The following CNMD variants were observed in gnomAD, a reference collection of about 807,000 sequenced individuals.
CNMD encodes chondromodulin, also known as leukocyte cell-derived chemotaxin 1.
In CNMD, 30 loss-of-function variants were observed where a neutral mutation model predicts 37.5. That is an observed-to-expected ratio of 0.80 (90% CI 0.60 to 1.09). CNMD has a LOEUF of 1.09. Among genes scored for constraint, CNMD ranks in the 50% least tolerant of loss-of-function variants. The pLI, the probability that CNMD is intolerant of heterozygous loss-of-function variation, is 0.00. For synonymous variants in CNMD, 167 were observed against 148.2 expected, an observed-to-expected ratio of 1.13 and a Z score of -0.92; for missense variants, 398 against 423.9, an observed-to-expected ratio of 0.94 and a Z score of 0.54.
intron 4 of CNMD, among the ~76,000 whole-genome samples, chr13:52,719,614 G>A (rs1964447330): frequency 6.6e-6 from 1 of 152,110 alleles, no homozygotes; most frequent in Non-Finnish European, 1.5e-5. Context: ...ATGAAATTCT[G>A]GGTTGAATAT....
At chr13:52,722,302 G>A (rs375764008) in intron 4 of CNMD, among the ~76,000 whole-genome samples, 4 of 152,280 alleles carry the variant, frequency 2.6e-5, no homozygotes, top group East Asian at 1.9e-4. Flanking sequence ...TTGAGACACC[G>A]CCTGCAGCTG....
chr13:52,722,649 G>T (rs1964503230), intron 4 of CNMD, among the ~76,000 whole-genome samples: 1 of 152,066 alleles, frequency 6.6e-6, no homozygotes, highest in Non-Finnish European at 1.5e-5. Context: ...ATAAAAGACA[G>T]TAATCAATGG....
intron 4 of CNMD, among the ~76,000 whole-genome samples, chr13:52,715,659 G>A (rs907681672): frequency 4.6e-5 from 7 of 152,030 alleles, no homozygotes; most frequent in East Asian, 1.9e-4. Flanking sequence ...AGCTTCATCC[G>A]TGTCCCTGCA....
chr13:52,730,375 C>T (rs893681408), intron 3 of CNMD, among the ~76,000 whole-genome samples: 48 of 152,044 alleles, frequency 3.2e-4, no homozygotes, highest in African/African-American at 1.1e-3. Flanking sequence ...ATTTCTAGTT[C>T]TAGATCCCTG....
intron 4 of CNMD, among the ~76,000 whole-genome samples, chr13:52,719,061 G>T (rs1008856053): frequency 2.0e-5 from 3 of 152,168 alleles, no homozygotes; most frequent in Admixed American, 2.0e-4. Context: ...TGGTTGCATT[G>T]ATCCTTTTAC....
At chr13:52,721,750 T>C (rs993556984) in intron 4 of CNMD, among the ~76,000 whole-genome samples, 1 of 152,210 alleles carries the variant, frequency 6.6e-6, no homozygotes, top group Non-Finnish European at 1.5e-5. Context: ...CATCTCTATA[T>C]ATACTTTTAT....
In CNMD at chr13:52,739,630, C is replaced by CG. The variant is rs768157613; in HGVS notation, c.71dup (p.Ala25GlyfsTer78). On this transcript the variant is annotated frameshift_variant and splice_region_variant, in exon 1 of 7. Coordinates refer to ENST00000377962, the MANE Select transcript of CNMD (RefSeq NM_007015.3). LOFTEE classifies it high-confidence loss of function. This position sits in a 1 kb window ranked among gnomAD's most constrained non-coding sequence, Gnocchi z 5.4. ...GTGTGGAATCCCTGGCGGTACTCAC[C>CG]GGGGGGCTGCAGAATTCCACGTCAT... 3.3e-5 allele frequency: 53 copies of CG among 1,613,578 alleles called. No homozygotes were observed. The highest frequency in any genetic ancestry group is 3.9e-5 in the Non-Finnish European group (46 of 1,179,604).
rs144231546 is a variant in CNMD, at chr13:52,732,021, C to T, written c.354+1198G>A. 4.2e-3 allele frequency among the ~76,000 whole-genome samples: 634 copies of T among 152,336 alleles called. 3 individuals carry two copies. Among genetic ancestry groups the T allele is most frequent in the African/African-American group, 0.014 (581 of 41,576 alleles). On this transcript the variant is annotated intron_variant, in intron 3 of 6. Coordinates refer to ENST00000377962, the MANE Select transcript of CNMD (RefSeq NM_007015.3). ...GGGCAGAGACCATTCTGAACATAGT[C>T]CTTGTCATGATCAAATAATATCTGA...
intron 4 of CNMD, among the ~76,000 whole-genome samples, chr13:52,722,336 G>A (rs966446901): frequency 6.6e-6 from 1 of 152,198 alleles, no homozygotes; most frequent in East Asian, 1.9e-4. Context: ...AAACAATCAG[G>A]CAGTTTCCAG....
At chr13:52,737,876 A>C (rs1416329701) in intron 2 of CNMD, among the ~76,000 whole-genome samples, 2 of 152,242 alleles carry the variant, frequency 1.3e-5, no homozygotes, top group African/African-American at 4.8e-5. Flanking sequence ...CACAAAATAC[A>C]GTGCAATTCT....
At chr13:52,710,372 T>A (rs1964272137) in intron 5 of CNMD, among the ~76,000 whole-genome samples, 1 of 152,184 alleles carries the variant, frequency 6.6e-6, no homozygotes, top group Admixed American at 6.5e-5. Context: ...ACCCCAACAG[T>A]TGTTGGCAAA....
intron 3 of CNMD, among the ~76,000 whole-genome samples, chr13:52,724,517 G>C (rs773410671): frequency 6.6e-6 from 1 of 152,122 alleles, no homozygotes; most frequent in African/African-American, 2.4e-5. Context: ...GGTGAACCGG[G>C]GAGGCGGAGC....
chr13:52,739,012 C>G lies in CNMD; in HGVS notation c.213+19G>C, dbSNP rs375771883. On this transcript the variant is annotated intron_variant, in intron 2 of 6. Transcript: ENST00000377962. The surrounding 1 kb of genome is among the most constrained non-coding windows in gnomAD (Gnocchi z 5.4). ...CATGGGCGACACGGGGGTCCCCGCG[C>G]GCCGCCCTCTGGACTTACGTGACTG... 5.8e-6 allele frequency: 9 copies of G among 1,552,068 alleles called. No homozygotes were observed. In the Middle Eastern group the frequency reaches 7.7e-4, roughly 133 times the overall value.
chr13:52,703,847 T>C, intron 6 of CNMD, 37 bp from the exon 7 acceptor site: 2 of 1,559,970 alleles, frequency 1.3e-6, no homozygotes, highest in Non-Finnish European at 1.8e-6. Context: ...GATAACTGCA[T>C]AGTGGGAAGG....
At chr13:52,729,586 TTTGA>T (rs1286935220) in intron 3 of CNMD, among the ~76,000 whole-genome samples, 2 of 152,230 alleles carry the variant, frequency 1.3e-5, no homozygotes, top group African/African-American at 4.8e-5. Context: ...ACTATAAGTG[TTTGA>T]CTTTATATCT....
chr13:52,735,827 C>CTTTT lies in CNMD; in HGVS notation c.214-2472_214-2469dup, dbSNP rs34873599. Among the ~76,000 whole-genome samples, 209 of 120,614 alleles carry CTTTT rather than the reference C, an allele frequency of 1.7e-3. 1 individual carries two copies. The highest frequency in any genetic ancestry group is 6.0e-3 in the African/African-American group (196 of 32,404). 79.1% of individuals were successfully genotyped at this position (120,614 alleles called of 152,430 possible). A position where few individuals can be genotyped will look rare whatever the true frequency, so the allele number is the denominator to read the frequency against. Reference sequence around the variant, plus strand: ...TCTTGGTTGTGCAGCTGCGGCCCACCTTTTTTTTTTTTTTTTTTTTGAGAT... The same window carrying CTTTT: ...TCTTGGTTGTGCAGCTGCGGCCCACCTTTTTTTTTTTTTTTTTTTTTTTTGAGAT... On this transcript the variant is annotated intron_variant, in intron 2 of 6. Coordinates refer to ENST00000377962, the MANE Select transcript of CNMD (RefSeq NM_007015.3).
In CNMD at chr13:52,733,227, A is replaced by G. The variant is rs3742298; in HGVS notation, c.346T>C (p.Phe116Leu). ...GCATGAAATATACTTACATTCTGGAAATCATTAACTGCAATTGCTTCTTCA... is the reference window on the plus strand; with the variant it reads ...GCATGAAATATACTTACATTCTGGAGATCATTAACTGCAATTGCTTCTTCA... ...GAEEAIAVNDFQNGITGIRFA... is the reference protein window; with the variant it reads ...GAEEAIAVNDLQNGITGIRFA... The change falls in exon 3 of 7, where the codon TTC becomes CTC. Residue 116 changes from phenylalanine (F) to leucine (L), a missense_variant. By Grantham distance (22) the Phe-to-Leu change is conservative. Transcript: ENST00000377962. The G allele has an allele frequency of 2.5e-4, 406 of 1,614,098 alleles. 1 individual carries two copies. In the East Asian group the frequency reaches 8.9e-3, roughly 35 times the overall value.
chr13:52,725,917 C>T (rs1328503095), intron 3 of CNMD, among the ~76,000 whole-genome samples: 1 of 152,218 alleles, frequency 6.6e-6, no homozygotes, highest in Non-Finnish European at 1.5e-5. Flanking sequence ...AGGAGCCCTA[C>T]AGAAGCTGGT....
At chr13:52,737,542 CAGTT>C (rs1964791579) in intron 2 of CNMD, among the ~76,000 whole-genome samples, 2 of 152,268 alleles carry the variant, frequency 1.3e-5, no homozygotes, top group South Asian at 4.1e-4. Flanking sequence ...AGAAGCCTGT[CAGTT>C]AGTGATGTTT....
Sources: gnomAD v4.1 joint callset for allele counts (sites outside exome capture counted in the v4.1 genomes callset) on GRCh38, gnomAD v4.1.1 for gene constraint, Gnocchi (gnomAD v3.1) non-coding constraint, MANE v1.5 for transcripts, NCBI Gene and HGNC (gene_info 2026-07-23, HGNC 2026-07-21) for gene names.